The following TRPM8 variants were observed in gnomAD, a reference collection of about 807,000 sequenced individuals.
The protein encoded by TRPM8 is transient receptor potential cation channel subfamily M member 8.
Under a neutral mutation model 133.7 loss-of-function variants are expected in TRPM8, and 110 were observed. That is an observed-to-expected ratio of 0.82 (90% CI 0.70 to 0.96). The LOEUF (loss-of-function observed/expected upper bound fraction) is 0.96. TRPM8 is among the 40% of genes least tolerant of loss of function. TRPM8 has a pLI of 0.00. For synonymous variants in TRPM8, 535 were observed against 532.3 expected, an observed-to-expected ratio of 1.01 and a Z score of -0.07; for missense variants, 1,291 against 1,379.5, an observed-to-expected ratio of 0.94 and a Z score of 1.02.
rs1397671425 is a variant in TRPM8, at chr2:233,949,998, G to T, written c.992G>T (p.Gly331Val). 3 of 1,614,058 alleles carry T rather than the reference G, an allele frequency of 1.9e-6. No homozygotes were observed. Among genetic ancestry groups the T allele is most frequent in the Non-Finnish European group, 2.5e-6 (3 of 1,180,046 alleles). Residue 331 changes from glycine (G) to valine (V), a missense_variant, in exon 9 of 26, where the codon GGC (glycine) becomes GTC (valine). This residue lies in a region of TRPM8 where 963 missense variants were observed against 968.9 expected (regional missense o/e 0.99). Transcript: ENST00000324695. ...KNKIPCVVVE[G>V]SGQIADVIAS... ...AAAATTCCTTGTGTGGTGGTGGAAGGCTCGGGCCAGATCGCTGATGTGATC... is the reference window on the plus strand; with the variant it reads ...AAAATTCCTTGTGTGGTGGTGGAAGTCTCGGGCCAGATCGCTGATGTGATC...
chr2:233,945,643 A>T (rs762102680), intron 6 of TRPM8, among the ~76,000 whole-genome samples: 19 of 152,238 alleles, frequency 1.2e-4, no homozygotes, highest in Non-Finnish European at 2.4e-4. Flanking sequence ...GAAAATGAGC[A>T]CATGGCACAA....
intron 9 of TRPM8, among the ~76,000 whole-genome samples, chr2:233,950,986 A>G (rs1402010379): frequency 6.6e-6 from 1 of 152,208 alleles, no homozygotes; most frequent in Non-Finnish European, 1.5e-5. Flanking sequence ...AGATCGCTTG[A>G]GGCCAGGAGT....
intron 21 of TRPM8, 95 bp from the exon 22 acceptor site, chr2:233,996,231 G>A (rs767190045): frequency 3.7e-6 from 4 of 1,083,552 alleles, no homozygotes; most frequent in Non-Finnish European, 4.1e-6. Flanking sequence ...TTAAGCTATT[G>A]CAGTAATAGC....
rs1324683878 is a variant in TRPM8, at chr2:233,964,676, A to C, written c.1798A>C (p.Thr600Pro). ...AALGASKLLK[T>P]LAKVKNDINA... The stretch of plus-strand genomic sequence containing the variant: ...CCTGGGAGCCAGCAAGCTTCTGAAG[A>C]CTCTGGCCAAAGTGAAGAACGACAT... Residue 600 changes from threonine (T) to proline (P), a missense_variant, in exon 14 of 26, where the codon ACT becomes CCT. Around this residue, in one of 2 missense-constraint regions of TRPM8, gnomAD observed 963 missense variants for 968.9 expected, o/e 0.99. Transcript: ENST00000324695. The C allele has an allele frequency of 3.1e-6, 5 of 1,612,112 alleles. No homozygotes were observed. Among genetic ancestry groups the C allele is most frequent in the Admixed American group, 1.7e-5 (1 of 59,988 alleles).
chr2:233,945,820 T>C, intron 6 of TRPM8, 36 bp from the exon 7 acceptor site: 1 of 1,577,176 alleles, frequency 6.3e-7, no homozygotes, highest in Admixed American at 1.7e-5. Context: ...TGACTGATAA[T>C]ACAATCTCAA....
In TRPM8 at chr2:233,985,776, G is replaced by C. The variant is rs1692132911; in HGVS notation, c.2850G>C (p.Arg950=). ...AGCTGGATGAGCACAACCTGCCCCGGTTCCCCGAGTGGATCACCATCCCCC... is the reference window on the plus strand; with the variant it reads ...AGCTGGATGAGCACAACCTGCCCCGCTTCCCCGAGTGGATCACCATCCCCC... ...CVELDEHNLP[R]FPEWITIPLV... The change falls in exon 21 of 26, where the codon CGG becomes CGC. Residue 950 remains arginine, a synonymous_variant. Transcript: ENST00000324695. The C allele has an allele frequency of 6.2e-7, 1 of 1,614,010 alleles. No homozygotes were observed. The highest frequency in any genetic ancestry group is 2.2e-5 in the East Asian group (1 of 44,892).
chr2:233,926,775 C>T (rs1197493401), intron 2 of TRPM8, 121 bp downstream of exon 2: 2 of 743,502 alleles, frequency 2.7e-6, no homozygotes, highest in Middle Eastern at 3.0e-4. Context: ...AAATTCCTTT[C>T]ACTACTTAAT....
At position 234,008,666 on chromosome 2, in the gene TRPM8, T is replaced by C. The variant is rs540498533; in HGVS notation, c.3264+563T>C. 9.8e-5 allele frequency among the ~76,000 whole-genome samples: 15 copies of C among 152,304 alleles called. No individual in the cohort carries two copies. In the South Asian group the frequency reaches 3.1e-3, roughly 32 times the overall value. On this transcript the variant is annotated intron_variant, in intron 24 of 25. Coordinates refer to ENST00000324695, the MANE Select transcript of TRPM8 (RefSeq NM_024080.5). ...AGAGGAGATGATATTTGGTATTCTATCACGTTAGTTTGAGAATGGCATCCC... is the reference window on the plus strand; with the variant it reads ...AGAGGAGATGATATTTGGTATTCTACCACGTTAGTTTGAGAATGGCATCCC...
chr2:233,950,574 C>G (rs1691150712), intron 9 of TRPM8, among the ~76,000 whole-genome samples: 1 of 152,180 alleles, frequency 6.6e-6, no homozygotes, highest in Non-Finnish European at 1.5e-5. Flanking sequence ...CAGAATAAAA[C>G]AGATAAGCCC....
At chr2:234,011,131 A>T (rs748834398) in intron 24 of TRPM8, among the ~76,000 whole-genome samples, 1 of 152,158 alleles carries the variant, frequency 6.6e-6, no homozygotes, top group African/African-American at 2.4e-5. Context: ...CCTTTGATCC[A>T]TTTTGAGTTG....
chr2:234,007,006 C>T, intron 23 of TRPM8, 54 bp downstream of exon 23: 4 of 1,377,406 alleles, frequency 2.9e-6, no homozygotes, highest in Non-Finnish European at 4.1e-6. Context: ...GACATAAGCC[C>T]ATAGAACGTA....
chr2:233,960,390 TCTA>T (rs985175861), intron 11 of TRPM8, among the ~76,000 whole-genome samples: 2 of 152,156 alleles, frequency 1.3e-5, no homozygotes, highest in African/African-American at 4.8e-5. Flanking sequence ...TGGTTCCAGC[TCTA>T]CTACTACCTC....
intron 6 of TRPM8, 38 bp downstream of exon 6, chr2:233,942,786 G>A: frequency 6.2e-7 from 1 of 1,612,172 alleles, no homozygotes; most frequent in Non-Finnish European, 8.5e-7. Flanking sequence ...TAGGTCACAT[G>A]GAAGAAAGAC....
At chr2:233,984,642 A>C (rs1181852133) in intron 20 of TRPM8, among the ~76,000 whole-genome samples, 1 of 152,020 alleles carries the variant, frequency 6.6e-6, no homozygotes, top group Non-Finnish European at 1.5e-5. Flanking sequence ...TGCCTGCCTG[A>C]GTCTTAGGCA....
chr2:233,947,423 A>G, intron 8 of TRPM8: 9 of 1,459,866 alleles, frequency 6.2e-6, no homozygotes, highest in Non-Finnish European at 8.3e-6. Context: ...AGTTGACATT[A>G]ATTCGGGAGA....
At chr2:233,991,244 G>A (rs908893152) in intron 21 of TRPM8, among the ~76,000 whole-genome samples, 62 of 152,256 alleles carry the variant, frequency 4.1e-4, no homozygotes, top group African/African-American at 1.3e-3. Flanking sequence ...ATGGGTCTTC[G>A]TGCAAGTATA....
intron 11 of TRPM8, 125 bp downstream of exon 11, chr2:233,955,375 T>C (rs1399565009): frequency 2.9e-6 from 2 of 688,160 alleles, no homozygotes; most frequent in South Asian, 2.0e-5. Flanking sequence ...TGTTCCAGAA[T>C]ATCAGGATTG....
chr2:233,988,829 C>T (rs557007158), intron 21 of TRPM8, among the ~76,000 whole-genome samples: 8 of 152,200 alleles, frequency 5.3e-5, no homozygotes, highest in Non-Finnish European at 1.0e-4. Context: ...GGGCCAACAT[C>T]TGAGCTGCAG....
chr2:233,974,706 G>C (rs1027520626), intron 17 of TRPM8, among the ~76,000 whole-genome samples: 1 of 152,170 alleles, frequency 6.6e-6, no homozygotes, highest in African/African-American at 2.4e-5. Flanking sequence ...GCTCTGTGGG[G>C]GCAGCAGAGT....
Sources: gnomAD v4.1 joint callset for allele counts (sites outside exome capture counted in the v4.1 genomes callset) on GRCh38, gnomAD v4.1.1 for gene constraint, gnomAD v4.1.1 regional missense constraint, MANE v1.5 for transcripts, NCBI Gene and HGNC (gene_info 2026-07-23, HGNC 2026-07-21) for gene names.